DMD: variants seen among roughly 807,000 people sequenced by gnomAD.
DMD encodes dystrophin.
In DMD, 63 loss-of-function variants were observed where a neutral mutation model predicts 330.1. That is an observed-to-expected ratio of 0.19 (90% CI 0.16 to 0.24). The LOEUF (loss-of-function observed/expected upper bound fraction) is 0.24. Ranked by LOEUF, DMD falls within the 10% of genes least tolerant of loss-of-function variation. DMD has a pLI of 1.00. For missense variants in DMD, 3,344 were observed against 2,684.1 expected, an observed-to-expected ratio of 1.25 and a Z score of -5.43; for synonymous variants, 1,223 against 959.8, an observed-to-expected ratio of 1.27 and a Z score of -5.07.
At chrX:32,809,669 T>C in intron 6 of DMD, 58 bp from the exon 7 acceptor site, 2 of 1,000,138 alleles carry the variant, frequency 2.0e-6, no homozygotes, top group East Asian at 3.1e-5. Context: ...ATCTAGAATG[T>C]TCCATGAGAT....
intron 53 of DMD, among the ~76,000 whole-genome samples, chrX:31,673,962 C>T (rs1464029616): frequency 9.0e-6 from 1 of 111,414 alleles, no homozygotes; most frequent in East Asian, 2.8e-4. Context: ...TCTCTTTAAT[C>T]ACATAGAAGC....
chrX:31,949,973 T>TTTC, intron 45 of DMD, among the ~76,000 whole-genome samples: 1 of 110,508 alleles, frequency 9.0e-6, no homozygotes. Context: ...TTGATTTTTC[T>TTTC]TTCTTCTTCT....
intron 61 of DMD, among the ~76,000 whole-genome samples, chrX:31,330,407 G>T (rs2057054513): frequency 8.9e-6 from 1 of 111,799 alleles, no homozygotes; most frequent in Admixed American, 9.5e-5. Flanking sequence ...CAGACTAAGG[G>T]TGTAGAAGAA....
At chrX:31,829,599 A>G (rs1314888458) in intron 49 of DMD, among the ~76,000 whole-genome samples, 6 of 111,695 alleles carry the variant, frequency 5.4e-5, no homozygotes. Flanking sequence ...CTAGAAATAG[A>G]TATTATTTGA....
At position 32,544,817 on chromosome X, in the gene DMD, G is replaced by T. The variant is rs1477967461; in HGVS notation, c.2168+342C>A. 7.5e-5 allele frequency among the ~76,000 whole-genome samples: 8 copies of T among 106,776 alleles called. No homozygotes were observed. The Admixed American group carries it at 8.2e-4, about 11-fold the overall frequency. The allele number at this position is 106,776 out of a possible 115,157, so 92.7% of individuals were successfully genotyped here. On this transcript the variant is annotated intron_variant, in intron 17 of 78. Coordinates refer to ENST00000357033, the MANE Select transcript of DMD (RefSeq NM_004006.3). ...AAAAAGACATTTAATGCAAAACTAG[G>T]GACTCAACAAGCAGGCCCTTTATAA... is the stretch of plus-strand genomic sequence containing the variant.
intron 42 of DMD, among the ~76,000 whole-genome samples, chrX:32,289,360 G>C (rs1230454449): frequency 9.1e-6 from 1 of 110,266 alleles, no homozygotes; most frequent in Non-Finnish European, 1.9e-5. Context: ...TTAATCCTAA[G>C]GGTAACTCTA....
At chrX:32,067,507 T>G (rs1208615042) in intron 44 of DMD, among the ~76,000 whole-genome samples, 2 of 110,798 alleles carry the variant, frequency 1.8e-5, no homozygotes, top group Non-Finnish European at 3.8e-5. Context: ...GTCTCCCCCT[T>G]TCCTTTCCCC....
intron 55 of DMD, among the ~76,000 whole-genome samples, chrX:31,602,463 T>G (rs2077415326): frequency 9.0e-6 from 1 of 110,798 alleles, no homozygotes; most frequent in Admixed American, 9.7e-5. Flanking sequence ...AAACAGGTTA[T>G]AAAAAGTACA....
At chrX:31,861,734 T>TACACACACAC (rs1491287851) in intron 48 of DMD, among the ~76,000 whole-genome samples, 1 of 56,063 alleles carries the variant, frequency 1.8e-5, no homozygotes, top group Non-Finnish European at 3.3e-5. Context: ...AGAAGAGTGC[T>TACACACACAC]ATACACACAC....
intron 17 of DMD, among the ~76,000 whole-genome samples, chrX:32,520,183 A>G (rs2046282524): frequency 9.0e-6 from 1 of 111,500 alleles, no homozygotes; most frequent in Non-Finnish European, 1.9e-5. Flanking sequence ...TACATTTTTT[A>G]TCCACAAGTT....
At chrX:32,810,508 G>A (rs1384517288) in intron 6 of DMD, among the ~76,000 whole-genome samples, 1 of 111,873 alleles carries the variant, frequency 8.9e-6, no homozygotes, top group Non-Finnish European at 1.9e-5. Flanking sequence ...AATGAACAAT[G>A]TGTTTAAAAT....
intron 1 of DMD, among the ~76,000 whole-genome samples, chrX:33,054,891 A>C (rs989182200): frequency 8.9e-6 from 1 of 111,939 alleles, no homozygotes; most frequent in East Asian, 2.8e-4. Context: ...CTTAGAAGGC[A>C]GTTTTTGATC....
chrX:32,745,382 C>T (rs2069852220), intron 7 of DMD, among the ~76,000 whole-genome samples: 1 of 112,012 alleles, frequency 8.9e-6, no homozygotes, highest in Non-Finnish European at 1.9e-5. Flanking sequence ...TCAGGAAATC[C>T]CTATAGCCTC....
At chrX:32,613,415 A>G (rs1602159234) in intron 12 of DMD, among the ~76,000 whole-genome samples, 1 of 110,759 alleles carries the variant, frequency 9.0e-6, no homozygotes, top group African/African-American at 3.3e-5. Context: ...AAGAAATATT[A>G]TTGTAGAAGT....
intron 1 of DMD, among the ~76,000 whole-genome samples, chrX:33,021,370 A>AT (rs5902047): frequency 9.3e-6 from 1 of 107,820 alleles, no homozygotes; most frequent in Non-Finnish European, 1.9e-5. Flanking sequence ...GCAAAAGACT[A>AT]TTTTTTTAAT....
chrX:32,501,554 T>C (rs1222413316), intron 19 of DMD, among the ~76,000 whole-genome samples: 1 of 111,621 alleles, frequency 9.0e-6, no homozygotes, highest in Non-Finnish European at 1.9e-5. Flanking sequence ...CACATCCCAT[T>C]TTCTTCCAAT....
intron 2 of DMD, among the ~76,000 whole-genome samples, chrX:32,870,966 A>G (rs1184919382): frequency 3.4e-5 from 2 of 59,469 alleles, no homozygotes; most frequent in Non-Finnish European, 6.6e-5. Context: ...AGCAAAAAAA[A>G]AAAAAAAAAA....
chrX:33,094,786 C>T (rs1333109918), intron 1 of DMD, among the ~76,000 whole-genome samples: 13 of 92,365 alleles, frequency 1.4e-4, no homozygotes, highest in Non-Finnish European at 1.9e-4. Context: ...CCAGGCAGGG[C>T]GACAGAGCAA....
chrX:32,382,111 A>G (rs1464394361), intron 33 of DMD, among the ~76,000 whole-genome samples: 1 of 111,669 alleles, frequency 9.0e-6, no homozygotes, highest in Non-Finnish European at 1.9e-5. Context: ...GGATGGTTCA[A>G]TAAAAAACTG....
Sources: allele counts gnomAD v4.1 joint callset (sites outside exome capture counted in the v4.1 genomes callset), GRCh38; gene constraint gnomAD v4.1.1; transcripts MANE v1.5; gene names NCBI Gene and HGNC (gene_info 2026-07-23, HGNC 2026-07-21).